The following IP6K2 variants were observed in gnomAD, a reference collection of about 807,000 sequenced individuals.
IP6K2 encodes inositol hexakisphosphate kinase 2, also known as ATP:1D-myo-inositol-hexakisphosphate phosphotransferase.
A neutral mutation model predicts 43.3 loss-of-function variants in IP6K2; 9 were observed. The ratio of observed to expected loss-of-function variants is 0.21; its 90% CI spans 0.13 to 0.36. The LOEUF (loss-of-function observed/expected upper bound fraction) is 0.36, where lower values mean the gene tolerates loss of function less well. IP6K2 is among the 10% of genes least tolerant of loss of function. The probability of loss-of-function intolerance (pLI) is 1.00; values close to 1 mark genes in which losing one functional copy is unlikely to be tolerated. For synonymous variants in IP6K2, 209 were observed against 202.4 expected (o/e 1.03, Z -0.28); for missense variants, 332 against 538.4 (o/e 0.62, Z 3.79).
At chr3:48,711,617 T>C (rs2080524115) in intron 1 of IP6K2, among the ~76,000 whole-genome samples, 1 of 152,188 alleles carries the variant, frequency 6.6e-6, no homozygotes. Flanking sequence ...AATGACACCT[T>C]TTACTGCCTT....
chr3:48,696,754 G>A (rs1272983551), intron 1 of IP6K2, among the ~76,000 whole-genome samples: 3 of 152,218 alleles, frequency 2.0e-5, no homozygotes, highest in Non-Finnish European at 4.4e-5. Context: ...GAGTGAGGAT[G>A]GATCTGGAAG....
chr3:48,694,642 C>T (rs1447952829), intron 2 of IP6K2: 3 of 1,512,802 alleles, frequency 2.0e-6, no homozygotes, highest in East Asian at 2.5e-5. Context: ...CTAATCAGCA[C>T]AGGCCTCCCA....
intron 1 of IP6K2, among the ~76,000 whole-genome samples, chr3:48,703,561 A>AT (rs1376583596): frequency 6.6e-6 from 1 of 151,188 alleles, no homozygotes; most frequent in Non-Finnish European, 1.5e-5. Flanking sequence ...AAAAAAAAAA[A>AT]AAAAAATTAG....
intron 1 of IP6K2, among the ~76,000 whole-genome samples, chr3:48,702,337 C>T (rs1366018258): frequency 6.6e-6 from 1 of 152,142 alleles, no homozygotes; most frequent in Non-Finnish European, 1.5e-5. Flanking sequence ...ACACATGTAC[C>T]TCAGGGCCTT....
intron 1 of IP6K2, among the ~76,000 whole-genome samples, chr3:48,713,975 G>C (rs2107101354): frequency 6.6e-6 from 1 of 151,904 alleles, no homozygotes; most frequent in African/African-American, 2.4e-5. Flanking sequence ...AAATTAGCCA[G>C]GTGCGGTGGC....
At chr3:48,691,631 C>A (rs2077790663) in intron 3 of IP6K2, 149 bp from the exon 4 acceptor site, 1 of 573,574 alleles carries the variant, frequency 1.7e-6, no homozygotes, top group Non-Finnish European at 3.1e-6. Context: ...GCCTGGCCAA[C>A]AGGGTGAAAC....
intron 1 of IP6K2, among the ~76,000 whole-genome samples, chr3:48,713,806 A>C: frequency 6.7e-6 from 1 of 149,722 alleles, no homozygotes. Flanking sequence ...AAAAAAAAAT[A>C]GTAATACAAA....
chr3:48,696,494 A>G (rs2106846884), intron 1 of IP6K2, among the ~76,000 whole-genome samples: 1 of 152,342 alleles, frequency 6.6e-6, no homozygotes, highest in East Asian at 1.9e-4. Context: ...AACCAAAGTT[A>G]TGCTCTTGGG....
chr3:48,710,708 C>T (rs1464899966), intron 1 of IP6K2, among the ~76,000 whole-genome samples: 3 of 151,988 alleles, frequency 2.0e-5, no homozygotes, highest in African/African-American at 7.2e-5. Flanking sequence ...CTCCCGGGTT[C>T]ACGCCATTCT....
chr3:48,695,334 T>C lies in IP6K2; in HGVS notation c.-43A>G. 1 of 1,582,388 alleles carries C rather than the reference T, an allele frequency of 6.3e-7. No homozygotes were observed. On this transcript the variant is annotated 5_prime_UTR_variant, in exon 2 of 6. Transcript: ENST00000328631. The surrounding 1 kb of genome is among the most constrained non-coding windows in gnomAD (Gnocchi z 4.6). ...CGGGGAGATGGGGGAGGCAGCGGAG[T>C]CCAGCGGCCAGTACGTCTTCTGTCT...
At position 48,695,241 on chromosome 3, in the gene IP6K2, G is replaced by A. The variant is rs1489327472; in HGVS notation, c.51C>T (p.Val17=). 1 of 1,578,166 alleles carries A rather than the reference G, an allele frequency of 6.3e-7. No individual in the cohort carries two copies. Among genetic ancestry groups the A allele is most frequent in the Non-Finnish European group, 8.6e-7 (1 of 1,156,450 alleles). The change falls in exon 2 of 6, where the codon GTC becomes GTT. Residue 17 remains valine (V), a synonymous_variant. Transcript: ENST00000328631. This position sits in a 1 kb window ranked among gnomAD's most constrained non-coding sequence, Gnocchi z 4.6. ...AMDVEPRAKG[V]LLEPFVHQVG... ...CCTGGTGGACAAAGGGCTCCAGAAG[G>A]ACGCCTTTGGCGCGGGGCTCCACAT...
chr3:48,696,190 T>G (rs1386065340), intron 1 of IP6K2, among the ~76,000 whole-genome samples: 1 of 151,992 alleles, frequency 6.6e-6, no homozygotes, highest in African/African-American at 2.4e-5. Context: ...GCCCCATTAA[T>G]TATATTTTTA....
At chr3:48,708,580 G>A (rs2080096430) in intron 1 of IP6K2, among the ~76,000 whole-genome samples, 1 of 151,628 alleles carries the variant, frequency 6.6e-6, no homozygotes, top group African/African-American at 2.4e-5. Context: ...GGAATTTTCA[G>A]TTCTGTTGTA....
At chr3:48,697,047 GTC>G (rs1340761694) in intron 1 of IP6K2, among the ~76,000 whole-genome samples, 1 of 148,392 alleles carries the variant, frequency 6.7e-6, no homozygotes, top group Admixed American at 6.7e-5. Context: ...TGGAGATGGA[GTC>G]TCGCTCTGTC....
At chr3:48,694,663 C>T in intron 2 of IP6K2, 1 of 1,506,820 alleles carries the variant, frequency 6.6e-7, no homozygotes, top group Non-Finnish European at 8.8e-7. Context: ...CTCCTGCATT[C>T]CATCTGACTC....
At chr3:48,709,509 A>T (rs967105903) in intron 1 of IP6K2, among the ~76,000 whole-genome samples, 3 of 152,192 alleles carry the variant, frequency 2.0e-5, no homozygotes, top group Non-Finnish European at 4.4e-5. Flanking sequence ...CCAGCCCAGA[A>T]AAAAATGAGA....
At position 48,695,529 on chromosome 3, in the gene IP6K2, T is replaced by A; in HGVS notation, c.-130-108A>T. ...GAAAGACAAAGACAAACAGTCTGAG[T>A]TCTTGCGGGACTCCGCCCATGCCAC... On this transcript the variant is annotated intron_variant, in intron 1 of 5. Coordinates refer to ENST00000328631, the MANE Select transcript of IP6K2 (RefSeq NM_016291.4). This position sits in a 1 kb window ranked among gnomAD's most constrained non-coding sequence, Gnocchi z 4.6. 7.8e-7 allele frequency: 1 copy of A among 1,280,152 alleles called. No homozygotes were observed. Among genetic ancestry groups the A allele is most frequent in the Non-Finnish European group, 9.9e-7 (1 of 1,011,102 alleles). 79.3% of individuals were successfully genotyped at this position (1,280,152 alleles called of 1,614,324 possible). A position where few individuals can be genotyped will look rare whatever the true frequency, so the allele number is the denominator to read the frequency against.
At chr3:48,704,406 A>T (rs934642232) in intron 1 of IP6K2, among the ~76,000 whole-genome samples, 6 of 152,184 alleles carry the variant, frequency 3.9e-5, no homozygotes, top group Non-Finnish European at 7.4e-5. Flanking sequence ...ATGACGGACT[A>T]TTAGGATAGC....
At chr3:48,690,100 T>C (rs2077636183) in intron 4 of IP6K2, among the ~76,000 whole-genome samples, 1 of 152,244 alleles carries the variant, frequency 6.6e-6, no homozygotes, top group Non-Finnish European at 1.5e-5. Flanking sequence ...ACTGGAAATA[T>C]CAGTATAAAC....
Sources: allele counts gnomAD v4.1 joint callset (sites outside exome capture counted in the v4.1 genomes callset), GRCh38; gene constraint gnomAD v4.1.1; non-coding constraint Gnocchi (gnomAD v3.1); transcripts MANE v1.5; gene names NCBI Gene and HGNC (gene_info 2026-07-23, HGNC 2026-07-21).